The following DNAH14 variants were observed in gnomAD, a reference collection of about 807,000 sequenced individuals.
DNAH14 encodes dynein axonemal heavy chain 14.
Under a neutral mutation model 520.9 loss-of-function variants are expected in DNAH14, and 478 were observed. The observed-to-expected ratio is 0.92, with a 90% CI of 0.85 to 0.99. The LOEUF is 0.99. Ranked by LOEUF, DNAH14 falls within the 50% of genes least tolerant of loss-of-function variation. The probability of loss-of-function intolerance (pLI) is 0.00; values close to 1 mark genes in which losing one functional copy is unlikely to be tolerated. For synonymous variants in DNAH14, 1,581 were observed against 1,757.2 expected, an observed-to-expected ratio of 0.90 and a Z score of 2.51; for missense variants, 4,831 against 5,234.5, an observed-to-expected ratio of 0.92 and a Z score of 2.38.
chr1:225,374,601 T>A (rs1011750347), intron 77 of DNAH14, 87 bp from the exon 78 acceptor site: 6 of 1,171,248 alleles, frequency 5.1e-6, no homozygotes, highest in African/African-American at 1.5e-5. Context: ...TATGTAGCTG[T>A]TTGAGAGTTG....
intron 43 of DNAH14, among the ~76,000 whole-genome samples, chr1:225,247,596 T>C (rs1047042547): frequency 6.6e-6 from 1 of 152,256 alleles, no homozygotes; most frequent in East Asian, 1.9e-4. Flanking sequence ...CGATATAATA[T>C]CAGAGAATTT....
At chr1:225,318,528 A>G (rs1380579528) in intron 60 of DNAH14, 55 bp from the exon 61 acceptor site, 1 of 1,440,508 alleles carries the variant, frequency 6.9e-7, no homozygotes, top group Non-Finnish European at 9.3e-7. Flanking sequence ...CAAAAATTTT[A>G]AATATGCAAC....
chr1:225,145,719 T>C (rs2079869582), intron 30 of DNAH14, among the ~76,000 whole-genome samples: 1 of 152,204 alleles, frequency 6.6e-6, no homozygotes, highest in Admixed American at 6.5e-5. Context: ...ATACATTTAT[T>C]TTAAGTCCTA....
At chr1:224,994,052 A>G (rs915288311) in intron 8 of DNAH14, among the ~76,000 whole-genome samples, 41 of 152,066 alleles carry the variant, frequency 2.7e-4, no homozygotes, top group African/African-American at 9.9e-4. Context: ...AATAATTGAT[A>G]CTGTTTCAGT....
chr1:225,096,950 C>G (rs1042407354), intron 21 of DNAH14, among the ~76,000 whole-genome samples, 168 bp from the exon 22 acceptor site: 1 of 152,110 alleles, frequency 6.6e-6, no homozygotes, highest in Non-Finnish European at 1.5e-5. Context: ...TTAAACCTCT[C>G]CTAAAACTAA....
chr1:225,075,425 T>C (rs748875553), intron 17 of DNAH14, among the ~76,000 whole-genome samples: 8 of 152,228 alleles, frequency 5.3e-5, no homozygotes, highest in Non-Finnish European at 1.0e-4. Flanking sequence ...CTGCTTCTAG[T>C]CAGCCATCTT....
At chr1:225,086,277 T>A (rs1400255833) in intron 21 of DNAH14, among the ~76,000 whole-genome samples, 2 of 148,172 alleles carry the variant, frequency 1.3e-5, no homozygotes, top group African/African-American at 4.9e-5. Context: ...GGACTACAGG[T>A]GCCCGCCACG....
rs553045653 is a variant in DNAH14, at chr1:225,139,567, G to T, written c.4255-1201G>T. ...GGAGAATGCAGATAATTAGATGTCCGCATGCATTGGCCACTGAAGGAATTT... is the reference window on the plus strand; with the variant it reads ...GGAGAATGCAGATAATTAGATGTCCTCATGCATTGGCCACTGAAGGAATTT... On this transcript the variant is annotated intron_variant, in intron 27 of 85. Transcript: ENST00000682510. Among the ~76,000 whole-genome samples, 3 of 152,130 alleles carry T rather than the reference G, an allele frequency of 2.0e-5. No individual in the cohort carries two copies. In the East Asian group the frequency reaches 5.8e-4, roughly 29 times the overall value.
intron 17 of DNAH14, among the ~76,000 whole-genome samples, chr1:225,069,141 G>A (rs988119685): frequency 1.3e-5 from 2 of 152,118 alleles, no homozygotes; most frequent in Admixed American, 6.5e-5. Context: ...TCTAAATATC[G>A]GATCATGCCA....
intron 60 of DNAH14, among the ~76,000 whole-genome samples, chr1:225,317,279 A>G (rs2150171594): frequency 6.6e-6 from 1 of 152,268 alleles, no homozygotes; most frequent in South Asian, 2.1e-4. Context: ...AACAAGAGCC[A>G]CTTCATTACT....
At position 225,073,991 on chromosome 1, in the gene DNAH14, G is replaced by GTT. The variant is rs34546228; in HGVS notation, c.2425-5191_2425-5190dup. 1.0e-3 allele frequency among the ~76,000 whole-genome samples: 57 copies of GTT among 55,044 alleles called. 2 individuals are homozygous for GTT. Among genetic ancestry groups the GTT allele is most frequent in the Non-Finnish European group, 1.4e-3 (39 of 27,988 alleles). The allele number at this position is 55,044 out of a possible 152,430, so 36.1% of individuals were successfully genotyped here. ...CCACCGCACTCAGCTGTTTTAGGAA[G>GTT]TTTTTTTTTTTTTTTTTTTTTTTTT... On this transcript the variant is annotated intron_variant, in intron 17 of 85. Transcript: ENST00000682510.
chr1:225,151,200 T>C (rs1164692109), intron 31 of DNAH14, among the ~76,000 whole-genome samples: 4 of 152,206 alleles, frequency 2.6e-5, no homozygotes, highest in Non-Finnish European at 5.9e-5. Context: ...TTTATGGACA[T>C]ATAAAATTGT....
intron 1 of DNAH14, among the ~76,000 whole-genome samples, chr1:224,932,611 G>A (rs2058767570): frequency 6.6e-6 from 1 of 152,164 alleles, no homozygotes; most frequent in African/African-American, 2.4e-5. Context: ...TTTGTATATG[G>A]TGAGAGATAG....
intron 79 of DNAH14, among the ~76,000 whole-genome samples, chr1:225,377,952 A>C (rs887882362): frequency 2.1e-4 from 32 of 152,258 alleles, no homozygotes; most frequent in African/African-American, 7.7e-4. Flanking sequence ...TCTAATAATC[A>C]AATAAATATG....
At chr1:225,028,955 C>A (rs79436369) in intron 11 of DNAH14, among the ~76,000 whole-genome samples, 1 of 151,752 alleles carries the variant, frequency 6.6e-6, no homozygotes. Context: ...AGCCATTTAC[C>A]GCAAAAAGCA....
At chr1:225,044,747 C>G (rs183449877) in intron 15 of DNAH14, among the ~76,000 whole-genome samples, 35 of 152,200 alleles carry the variant, frequency 2.3e-4, no homozygotes, top group African/African-American at 8.4e-4. Flanking sequence ...GTTTTAAAAC[C>G]AAGAATTATC....
chr1:224,931,722 T>C (rs1403223906), intron 1 of DNAH14, among the ~76,000 whole-genome samples: 2 of 152,224 alleles, frequency 1.3e-5, no homozygotes, highest in Non-Finnish European at 1.5e-5. Flanking sequence ...TTTTTGTGCC[T>C]GGCTTATTTC....
rs1334302722 is a variant in DNAH14, at chr1:225,051,469, A to G, written c.2098A>G (p.Ile700Val). Residue 700 changes from isoleucine to valine, a missense_variant, in exon 17 of 86, where the codon ATT becomes GTT. Transcript: ENST00000682510. ...YQNIIVNLLT[I>V]IGNSMGLVNA... Reference sequence around the variant, plus strand: ...TTTACAGATTGTGAATCTCCTGACTATTATTGGTAATTCAATGGGCCTAGT... The same window carrying G: ...TTTACAGATTGTGAATCTCCTGACTGTTATTGGTAATTCAATGGGCCTAGT... The G allele has an allele frequency of 1.5e-5, 23 of 1,511,026 alleles. No homozygotes were observed. Among genetic ancestry groups the G allele is most frequent in the Non-Finnish European group, 1.7e-5 (19 of 1,129,422 alleles). 93.6% of individuals were successfully genotyped at this position (1,511,026 alleles called of 1,614,324 possible). A position where few individuals can be genotyped will look rare whatever the true frequency, so the allele number is the denominator to read the frequency against.
At chr1:225,060,342 C>T (rs1158984566) in intron 17 of DNAH14, among the ~76,000 whole-genome samples, 1 of 152,154 alleles carries the variant, frequency 6.6e-6, no homozygotes, top group East Asian at 1.9e-4. Flanking sequence ...ACATAGTTCT[C>T]ATGCCTTGGT....
Sources: gnomAD v4.1 joint callset for allele counts (sites outside exome capture counted in the v4.1 genomes callset) on GRCh38, gnomAD v4.1.1 for gene constraint, MANE v1.5 for transcripts, NCBI Gene and HGNC (gene_info 2026-07-23, HGNC 2026-07-21) for gene names.